The following RIPOR3 variants were observed in gnomAD, a reference collection of about 807,000 sequenced individuals.
RIPOR3 encodes RIPOR family member 3.
A neutral mutation model predicts 114.3 loss-of-function variants in RIPOR3; 95 were observed. That is an observed-to-expected ratio of 0.83 (90% CI 0.70 to 0.99). RIPOR3 has a LOEUF of 0.99. RIPOR3 is among the 50% of genes least tolerant of loss of function. The pLI, the probability that RIPOR3 is intolerant of heterozygous loss-of-function variation, is 0.00. For missense variants in RIPOR3, 1,252 were observed against 1,266.9 expected, an observed-to-expected ratio of 0.99 and a Z score of 0.18; for synonymous variants, 575 against 543.8, an observed-to-expected ratio of 1.06 and a Z score of -0.80.
At chr20:50,671,432 A>G (rs1390599759) in intron 1 of RIPOR3, among the ~76,000 whole-genome samples, 180 of 6,406 alleles carry the variant, frequency 0.028, no homozygotes, top group South Asian at 0.05. Flanking sequence ...GCGCGCGCAC[A>G]CACACACACA....
Position 50,594,712 on chromosome 20 carries a change from T to C in RIPOR3, c.2053A>G (p.Ile685Val). ...VGKATSIEEIIPQASRTKGCL... is the reference protein window; with the variant it reads ...VGKATSIEEIVPQASRTKGCL... ...CCCTTCGTCCGCGAGGCCTGTGGGA[T>C]GACTGAAAGCCCCAGTTCAGAAACC... Residue 685 changes from isoleucine (I) to valine (V), a missense_variant and splice_region_variant, in exon 17 of 22, where the codon ATC becomes GTC. Transcript: ENST00000327979. 1 of 1,608,454 alleles carries C rather than the reference T, an allele frequency of 6.2e-7. No individual in the cohort carries two copies. Among genetic ancestry groups the C allele is most frequent in the African/African-American group, 1.3e-5 (1 of 74,882 alleles).
At chr20:50,662,487 T>C (rs1303561913) in intron 1 of RIPOR3, among the ~76,000 whole-genome samples, 1 of 152,134 alleles carries the variant, frequency 6.6e-6, no homozygotes, top group Non-Finnish European at 1.5e-5. Flanking sequence ...ACTTCATAGG[T>C]GCAGCCGTGA....
chr20:50,647,639 T>C (rs1158517023), intron 1 of RIPOR3, among the ~76,000 whole-genome samples: 2 of 151,560 alleles, frequency 1.3e-5, no homozygotes. Context: ...CCCGCTACCA[T>C]GCCCGGCTAA....
chr20:50,642,340 CTGTGGGTGTGTGTGTGTG>C (rs139808373), intron 1 of RIPOR3, among the ~76,000 whole-genome samples: 41,990 of 143,602 alleles, frequency 0.29, 6,947 homozygotes, highest in African/African-American at 0.5. Flanking sequence ...AAATTGTTCT[CTGTGGGTGTGTGTGTGTG>C]TGTGTGTGTG....
At position 50,587,194 on chromosome 20, in the gene RIPOR3, A is replaced by AAAAC. The variant is rs992887300; in HGVS notation, c.*34_*37dup. ...ATGTCCAGGCTGGGCAGCAGCAAAA[A>AAAAC]AAACGATGTGAGATTTGTGCTCATC... is the stretch of plus-strand genomic sequence containing the variant. On this transcript the variant is annotated 3_prime_UTR_variant, in exon 22 of 22. Coordinates refer to ENST00000327979, the MANE Select transcript of RIPOR3 (RefSeq NM_001290268.2). 6.4e-7 allele frequency: 1 copy of AAAAC among 1,561,152 alleles called. No homozygotes were observed. Among genetic ancestry groups the AAAAC allele is most frequent in the African/African-American group, 1.4e-5 (1 of 73,832 alleles).
chr20:50,642,345 GGTGTGTGTGTGTGTGT>G (rs71190581), intron 1 of RIPOR3, among the ~76,000 whole-genome samples: 1 of 96,398 alleles, frequency 1.0e-5, no homozygotes, highest in Non-Finnish European at 2.1e-5. Flanking sequence ...GTTCTCTGTG[GGTGTGTGTGTGTGTGT>G]GTGTGTGTGT....
intron 6 of RIPOR3, among the ~76,000 whole-genome samples, chr20:50,610,475 T>A (rs1388549676): frequency 1.3e-5 from 2 of 152,216 alleles, no homozygotes; most frequent in Non-Finnish European, 2.9e-5. Flanking sequence ...AGATCTGCTA[T>A]GCGACCTTGG....
At chr20:50,616,474 C>G (rs2084176627) in intron 3 of RIPOR3, among the ~76,000 whole-genome samples, 1 of 152,084 alleles carries the variant, frequency 6.6e-6, no homozygotes, top group Non-Finnish European at 1.5e-5. Context: ...TCTTGAGCAG[C>G]TGGGACTACA....
In RIPOR3 at chr20:50,595,394, G is replaced by T; in HGVS notation, c.2025C>A (p.Val675=). ...ETLSVLDFEK[V]GKATSIEEII... ...TCTCTTCAATGGATGTTGCCTTGCC[G>T]ACCTTCTCAAAGTCAAGGACAGAAA... Residue 675 remains valine, a synonymous_variant, in exon 16 of 22, where the codon GTC becomes GTA. Coordinates refer to ENST00000327979, the MANE Select transcript of RIPOR3 (RefSeq NM_001290268.2). 1 of 1,614,096 alleles carries T rather than the reference G, an allele frequency of 6.2e-7. No individual in the cohort carries two copies. Among genetic ancestry groups the T allele is most frequent in the Non-Finnish European group, 8.5e-7 (1 of 1,180,006 alleles).
intron 17 of RIPOR3, among the ~76,000 whole-genome samples, chr20:50,594,218 G>C (rs2083208466): frequency 6.6e-6 from 1 of 150,620 alleles, no homozygotes; most frequent in African/African-American, 2.5e-5. Context: ...AGAGGTTGCA[G>C]TGAGCCATGA....
chr20:50,636,139 G>A, intron 1 of RIPOR3, among the ~76,000 whole-genome samples: 1 of 152,220 alleles, frequency 6.6e-6, no homozygotes, highest in East Asian at 1.9e-4. Flanking sequence ...GCCAAGCAGT[G>A]TTTCTTGTGG....
chr20:50,647,155 A>T (rs1414539046), intron 1 of RIPOR3, among the ~76,000 whole-genome samples: 1 of 152,162 alleles, frequency 6.6e-6, no homozygotes, highest in East Asian at 1.9e-4. Flanking sequence ...CCCTGTCTCT[A>T]TTAAAAATAC....
intron 15 of RIPOR3, among the ~76,000 whole-genome samples, chr20:50,595,821 A>G (rs2083269448): frequency 6.6e-6 from 1 of 152,106 alleles, no homozygotes; most frequent in South Asian, 2.1e-4. Flanking sequence ...CCTGAAGCCT[A>G]CCTCTGAGGC....
chr20:50,592,722 A>G (rs1365973585), intron 18 of RIPOR3, among the ~76,000 whole-genome samples, 176 bp from the exon 19 acceptor site: 2 of 152,216 alleles, frequency 1.3e-5, no homozygotes, highest in African/African-American at 2.4e-5. Context: ...ATCTCCAGGA[A>G]GGCCTTTTAA....
chr20:50,587,917 A>C (rs1411260572), intron 20 of RIPOR3, 25 bp from the exon 21 acceptor site: 1 of 1,611,688 alleles, frequency 6.2e-7, no homozygotes, highest in African/African-American at 1.3e-5. Context: ...GAGAAAAAGA[A>C]CCCTTTAGGG....
chr20:50,665,410 G>T (rs1035859162), intron 1 of RIPOR3, among the ~76,000 whole-genome samples: 1 of 136,352 alleles, frequency 7.3e-6, no homozygotes, highest in Non-Finnish European at 1.6e-5. Context: ...TTGGCTCAGA[G>T]CCCCCTCTTC....
intron 5 of RIPOR3, 104 bp downstream of exon 5, chr20:50,611,077 G>T: frequency 6.3e-7 from 1 of 1,581,908 alleles, no homozygotes; most frequent in Non-Finnish European, 8.7e-7. Flanking sequence ...ATGGGGAGGA[G>T]ACCCAGGTTT....
rs2083551945 is a variant in RIPOR3 at position 50,602,734 on chromosome 20, G to A, written c.1087-90C>T. 4 of 1,002,278 alleles carry A rather than the reference G, an allele frequency of 4.0e-6. No homozygotes were observed. Among genetic ancestry groups the A allele is most frequent in the South Asian group, 5.7e-5 (2 of 35,248 alleles). 62.1% of individuals were successfully genotyped at this position (1,002,278 alleles called of 1,614,324 possible). A position where few individuals can be genotyped will look rare whatever the true frequency, so the allele number is the denominator to read the frequency against. Reference sequence around the variant, plus strand: ...GGGCTTCCCCTGACAGACACCCGCTGTGCATGCCCATGTTCTCAGGATGAC... The same window carrying A: ...GGGCTTCCCCTGACAGACACCCGCTATGCATGCCCATGTTCTCAGGATGAC... On this transcript the variant is annotated intron_variant, in intron 12 of 21. Transcript: ENST00000327979. This position sits in a 1 kb window ranked among gnomAD's most constrained non-coding sequence, Gnocchi z 4.3.
intron 1 of RIPOR3, among the ~76,000 whole-genome samples, chr20:50,657,165 T>C (rs13038440): frequency 0.5 from 76,528 of 152,012 alleles, 22,492 homozygotes; most frequent in Middle Eastern, 0.66. Flanking sequence ...GGTGGGAGGA[T>C]CACTTGAGCC....
Sources: gnomAD v4.1 joint callset for allele counts (sites outside exome capture counted in the v4.1 genomes callset) on GRCh38, gnomAD v4.1.1 for gene constraint, Gnocchi (gnomAD v3.1) non-coding constraint, MANE v1.5 for transcripts, NCBI Gene and HGNC (gene_info 2026-07-23, HGNC 2026-07-21) for gene names.